Variants in ANKRD17 observed in about 807,000 individuals in gnomAD.
ANKRD17 encodes ankyrin repeat domain 17, also known as ankyrin repeat domain-containing protein 17.
ANKRD17 carries 19 observed loss-of-function variants against 229.7 expected under a neutral mutation model. That is an observed-to-expected ratio of 0.08 (90% CI 0.06 to 0.12). The LOEUF (loss-of-function observed/expected upper bound fraction) is 0.12, where lower values mean the gene tolerates loss of function less well. Ranked by LOEUF, ANKRD17 falls within the 10% of genes least tolerant of loss-of-function variation. The pLI is 1.00. For synonymous variants in ANKRD17, 1,112 were observed against 1,146.1 expected (o/e 0.97, Z 0.60); for missense variants, 2,176 against 3,176.8 (o/e 0.68, Z 7.57).
At chr4:73,209,192 C>G (rs564858990) in intron 1 of ANKRD17, among the ~76,000 whole-genome samples, 1 of 151,844 alleles carries the variant, frequency 6.6e-6, no homozygotes, top group African/African-American at 2.4e-5. Flanking sequence ...GGTGACAGAA[C>G]GAGACTCTGG....
chr4:73,101,275 C>A, intron 25 of ANKRD17: 1 of 928,560 alleles, frequency 1.1e-6, no homozygotes, highest in Non-Finnish European at 1.3e-6. Context: ...AATCGATGAT[C>A]TGGATTGTAG....
intron 16 of ANKRD17, among the ~76,000 whole-genome samples, chr4:73,126,429 T>C (rs1327657756): frequency 1.3e-5 from 2 of 152,038 alleles, no homozygotes; most frequent in African/African-American, 2.4e-5. Context: ...TTAGCAGTTG[T>C]GGACCCACCT....
chr4:73,248,397 G>A (rs1744693049), intron 1 of ANKRD17, among the ~76,000 whole-genome samples: 1 of 151,844 alleles, frequency 6.6e-6, no homozygotes, highest in Admixed American at 6.6e-5. Flanking sequence ...AAAAGTATAG[G>A]ATTTATACGG....
chr4:73,084,880 T>TC (rs1721957719), intron 30 of ANKRD17, among the ~76,000 whole-genome samples: 1 of 151,950 alleles, frequency 6.6e-6, no homozygotes, highest in African/African-American at 2.4e-5. Flanking sequence ...TTAATTTTTT[T>TC]CCCCCAAAAA....
chr4:73,179,902 T>C (rs1735321034), intron 1 of ANKRD17, among the ~76,000 whole-genome samples: 1 of 152,052 alleles, frequency 6.6e-6, no homozygotes, highest in Non-Finnish European at 1.5e-5. Flanking sequence ...AGTAAAAAAA[T>C]TTGTTTTATT....
chr4:73,114,844 T>A (rs72861836), intron 23 of ANKRD17, among the ~76,000 whole-genome samples: 4,012 of 152,250 alleles, frequency 0.026, 80 homozygotes, highest in African/African-American at 0.04. Context: ...AGAAGACATT[T>A]TTAAGATTTG....
intron 1 of ANKRD17, among the ~76,000 whole-genome samples, chr4:73,225,998 C>A (rs1376705965): frequency 1.7e-5 from 1 of 59,068 alleles, no homozygotes; most frequent in African/African-American, 7.7e-5. Context: ...TTTTTTGAGG[C>A]GGAGTCTCGC....
intron 29 of ANKRD17, among the ~76,000 whole-genome samples, chr4:73,088,805 G>A (rs115860655): frequency 3.9e-5 from 6 of 152,080 alleles, no homozygotes; most frequent in Non-Finnish European, 8.8e-5. Flanking sequence ...TTTTTGTCCC[G>A]GAATGTCATA....
intron 16 of ANKRD17, among the ~76,000 whole-genome samples, chr4:73,134,457 G>A (rs1231919117): frequency 6.6e-6 from 1 of 152,038 alleles, no homozygotes; most frequent in African/African-American, 2.4e-5. Flanking sequence ...CTTTTCTTCA[G>A]GATAAAACAC....
intron 30 of ANKRD17, among the ~76,000 whole-genome samples, chr4:73,080,197 A>G (rs898858647): frequency 6.6e-6 from 1 of 152,196 alleles, no homozygotes; most frequent in African/African-American, 2.4e-5. Flanking sequence ...TTAAAAATCA[A>G]AACTGTTACC....
intron 24 of ANKRD17, chr4:73,113,194 A>C: frequency 7.8e-7 from 1 of 1,287,838 alleles, no homozygotes; most frequent in Non-Finnish European, 1.0e-6. Flanking sequence ...GTACAGAATT[A>C]TAGGGGAAAA....
intron 2 of ANKRD17, among the ~76,000 whole-genome samples, chr4:73,168,425 G>A (rs549426816): frequency 6.6e-6 from 1 of 150,386 alleles, no homozygotes; most frequent in African/African-American, 2.5e-5. Flanking sequence ...GATATATAGT[G>A]CTAAATATTT....
intron 1 of ANKRD17, among the ~76,000 whole-genome samples, chr4:73,237,564 G>C (rs1226279783): frequency 6.6e-6 from 1 of 152,114 alleles, no homozygotes; most frequent in Non-Finnish European, 1.5e-5. Context: ...AGGAAGAAAA[G>C]GTACAAGTGA....
At chr4:73,165,565 G>A (rs185435126) in intron 2 of ANKRD17, among the ~76,000 whole-genome samples, 15 of 152,262 alleles carry the variant, frequency 9.9e-5, no homozygotes, top group East Asian at 3.9e-4. Flanking sequence ...AAGGTTACCC[G>A]TCCCTGATGT....
At chr4:73,084,983 C>T (rs748555598) in intron 30 of ANKRD17, among the ~76,000 whole-genome samples, 50 of 151,992 alleles carry the variant, frequency 3.3e-4, no homozygotes, top group South Asian at 4.2e-4. Flanking sequence ...TTTGACGAAA[C>T]CAGCGAGGGC....
intron 1 of ANKRD17, among the ~76,000 whole-genome samples, chr4:73,234,312 T>C (rs1298477494): frequency 2.0e-5 from 3 of 152,234 alleles, no homozygotes; most frequent in Non-Finnish European, 4.4e-5. Context: ...TAAATGCAAC[T>C]ATGATTAAAC....
At position 73,139,630 on chromosome 4, in the gene ANKRD17, C is replaced by A; in HGVS notation, c.2986G>T (p.Ala996Ser). The A allele has an allele frequency of 6.2e-7, 1 of 1,614,118 alleles. No individual in the cohort carries two copies. Among genetic ancestry groups the A allele is most frequent in the Non-Finnish European group, 8.5e-7 (1 of 1,180,004 alleles). ...GTCAGAATTCCTTGCCCCAGCCCTG[C>A]CAACTGTGCTTGGCCCAGTACTGGC... ...GQPVLGQAQL[A>S]GLGQGILTET... Residue 996 changes from alanine to serine, a missense_variant, in exon 15 of 34, where the codon GCA (alanine) becomes TCA (serine). By Grantham distance (99) the Ala-to-Ser change is moderately conservative (BLOSUM62 1). Transcript: ENST00000358602.
intron 1 of ANKRD17, among the ~76,000 whole-genome samples, chr4:73,256,143 A>G (rs182311797): frequency 6.6e-6 from 1 of 152,360 alleles, no homozygotes; most frequent in Admixed American, 6.5e-5. Context: ...AAATACTACC[A>G]TAGTTGGTGA....
chr4:73,097,593 T>G (rs1203330350), intron 26 of ANKRD17, among the ~76,000 whole-genome samples: 1 of 152,028 alleles, frequency 6.6e-6, no homozygotes, highest in East Asian at 1.9e-4. Context: ...TGCCATCACA[T>G]TGGCTAATTA....
Sources: gnomAD v4.1 joint callset for allele counts (sites outside exome capture counted in the v4.1 genomes callset) on GRCh38, gnomAD v4.1.1 for gene constraint, MANE v1.5 for transcripts, NCBI Gene and HGNC (gene_info 2026-07-23, HGNC 2026-07-21) for gene names.